TG: variants seen among roughly 807,000 people sequenced by gnomAD.
TG encodes the protein thyroid hormones.
Under a neutral mutation model 324.7 loss-of-function variants are expected in TG, and 270 were observed. The observed-to-expected ratio is 0.83, with a 90% CI of 0.75 to 0.92. The LOEUF (loss-of-function observed/expected upper bound fraction) is 0.92. TG is among the 40% of genes least tolerant of loss of function. The pLI, the probability that TG is intolerant of heterozygous loss-of-function variation, is 0.00. For missense variants in TG, 3,591 were observed against 3,456.4 expected (o/e 1.04, Z -0.98); for synonymous variants, 1,401 against 1,327.0 (o/e 1.06, Z -1.21).
At chr8:133,097,689 A>G (rs1848632394) in intron 43 of TG, among the ~76,000 whole-genome samples, 3 of 152,258 alleles carry the variant, frequency 2.0e-5, no homozygotes, top group African/African-American at 7.2e-5. Flanking sequence ...AAAGATTCAC[A>G]ACATGCAATT....
chr8:132,896,529 C>T (rs1563923940), intron 11 of TG, among the ~76,000 whole-genome samples: 1 of 152,140 alleles, frequency 6.6e-6, no homozygotes, highest in Non-Finnish European at 1.5e-5. Flanking sequence ...TGAGGAGCCC[C>T]AACCTGCCCC....
At chr8:133,106,884 A>G (rs1239695447) in intron 43 of TG, among the ~76,000 whole-genome samples, 3 of 152,078 alleles carry the variant, frequency 2.0e-5, no homozygotes, top group African/African-American at 7.2e-5. Context: ...CTCCTGGCAT[A>G]CTCAGGCACT....
At chr8:132,969,030 A>G (rs990905522) in intron 31 of TG, among the ~76,000 whole-genome samples, 4 of 151,914 alleles carry the variant, frequency 2.6e-5, no homozygotes, top group Non-Finnish European at 5.9e-5. Context: ...AGGAGAGGAG[A>G]GCATCTAGAG....
In TG at chr8:132,871,316, G is replaced by C. The variant is rs1359663154; in HGVS notation, c.275-32G>C. 4 of 1,611,872 alleles carry C rather than the reference G, an allele frequency of 2.5e-6. No homozygotes were observed. In the South Asian group the frequency reaches 3.3e-5, roughly 13 times the overall value. ...TCTGCCCCCTGGAAATTTCCCTGCA[G>C]TTCTATCTAACATTGCTCCTTGTAC... On this transcript the variant is annotated intron_variant, in intron 3 of 47. Coordinates refer to ENST00000220616, the MANE Select transcript of TG (RefSeq NM_003235.5).
chr8:132,904,542 G>T (rs1818395186), intron 16 of TG, among the ~76,000 whole-genome samples: 1 of 152,196 alleles, frequency 6.6e-6, no homozygotes, highest in Admixed American at 6.5e-5. Flanking sequence ...GGGCCAGCAG[G>T]GTTGTTCCAT....
chr8:132,976,197 A>G (rs1322631404), intron 34 of TG, among the ~76,000 whole-genome samples: 1 of 152,216 alleles, frequency 6.6e-6, no homozygotes, highest in African/African-American at 2.4e-5. Flanking sequence ...AGAATACCAC[A>G]GACTAGGTAA....
chr8:133,087,296 G>T (rs1357981959), intron 41 of TG, among the ~76,000 whole-genome samples: 1 of 152,194 alleles, frequency 6.6e-6, no homozygotes, highest in Non-Finnish European at 1.5e-5. Flanking sequence ...AATAAGCTAA[G>T]GTCGCACTGA....
intron 41 of TG, among the ~76,000 whole-genome samples, chr8:133,088,540 G>T (rs1005070410): frequency 2.0e-5 from 3 of 152,158 alleles, no homozygotes; most frequent in Non-Finnish European, 4.4e-5. Flanking sequence ...ACACTTAGAG[G>T]GTTGTTTTGG....
intron 18 of TG, among the ~76,000 whole-genome samples, chr8:132,909,244 CATG>C (rs914413961): frequency 3.3e-5 from 5 of 152,100 alleles, no homozygotes; most frequent in Admixed American, 3.3e-4. Context: ...CAGTGCAGAA[CATG>C]AGAAGCAGCA....
chr8:133,084,724 G>T (rs1008171458), intron 41 of TG, among the ~76,000 whole-genome samples: 4 of 152,232 alleles, frequency 2.6e-5, no homozygotes, highest in Admixed American at 1.3e-4. Flanking sequence ...CCCAGCAGAA[G>T]TGCCCGGGAG....
chr8:133,101,549 T>C (rs554747147), intron 43 of TG, among the ~76,000 whole-genome samples: 29 of 151,852 alleles, frequency 1.9e-4, no homozygotes, highest in South Asian at 1.3e-3. Flanking sequence ...CTGCCCCATC[T>C]GGGGCTGAGA....
intron 41 of TG, chr8:133,039,953 GCACACACA>G (rs3835182): frequency 1.4e-6 from 2 of 1,433,546 alleles, no homozygotes; most frequent in South Asian, 1.3e-5. Context: ...GCACTTGCAT[GCACACACA>G]CACACACACA....
At position 132,887,293 on chromosome 8, in the gene TG, T is replaced by C. The variant is rs1413570461; in HGVS notation, c.1921T>C (p.Ser641Pro). ...TTCCGGAGAGTGCTGGTGTGTGAAT[T>C]CCTGGGGCAAAGAGCTTCCAGGCTC... is the stretch of plus-strand genomic sequence containing the variant. ...CFSGECWCVN[S>P]WGKELPGSRV... The change falls in exon 9 of 48, where the codon TCC becomes CCC. Residue 641 changes from serine (S) to proline (P), a missense_variant. Coordinates refer to ENST00000220616, the MANE Select transcript of TG (RefSeq NM_003235.5). 1 of 1,604,402 alleles carries C rather than the reference T, an allele frequency of 6.2e-7. No individual in the cohort carries two copies. Among genetic ancestry groups the C allele is most frequent in the Non-Finnish European group, 8.5e-7 (1 of 1,173,652 alleles).
intron 43 of TG, among the ~76,000 whole-genome samples, chr8:133,097,326 T>A (rs890577217): frequency 1.3e-5 from 2 of 152,264 alleles, no homozygotes; most frequent in Non-Finnish European, 2.9e-5. Context: ...CAGTTTTACA[T>A]GATATATATA....
intron 41 of TG, chr8:133,049,853 C>G: frequency 8.5e-7 from 1 of 1,180,604 alleles, no homozygotes; most frequent in Non-Finnish European, 1.3e-6. Context: ...TTATGAGTCA[C>G]CAGCATACGC....
At chr8:132,947,492 G>A (rs982967544) in intron 26 of TG, among the ~76,000 whole-genome samples, 3 of 152,178 alleles carry the variant, frequency 2.0e-5, no homozygotes, top group African/African-American at 4.8e-5. Flanking sequence ...AGGACACAAT[G>A]TGAAATTTTT....
intron 21 of TG, among the ~76,000 whole-genome samples, 189 bp from the exon 22 acceptor site, chr8:132,923,148 AG>A (rs1182234531): frequency 1.3e-5 from 2 of 152,234 alleles, no homozygotes; most frequent in African/African-American, 4.8e-5. Context: ...TGCAGAACTT[AG>A]GGTGGGTGGC....
chr8:133,033,486 A>G (rs564121937), intron 41 of TG, among the ~76,000 whole-genome samples: 1 of 152,302 alleles, frequency 6.6e-6, no homozygotes, highest in Admixed American at 6.5e-5. Flanking sequence ...TTGCTGTTCT[A>G]TGACAGCGCC....
At position 133,046,824 on chromosome 8, in the gene TG, G is replaced by A. The variant is rs779117616; in HGVS notation, c.7239+16801G>A. ...CAGATTTTTTTTAAATCATATATAT[G>A]TGGTCCCTGCTTTCTGAAAGCAAGG... On this transcript the variant is annotated intron_variant, in intron 41 of 47. Coordinates refer to ENST00000220616, the MANE Select transcript of TG (RefSeq NM_003235.5). 3.3e-5 allele frequency among the ~76,000 whole-genome samples: 5 copies of A among 152,236 alleles called. 1 individual carries two copies. In the Middle Eastern group the frequency reaches 0.01, roughly 311 times the overall value.
Sources: gnomAD v4.1 joint callset for allele counts (sites outside exome capture counted in the v4.1 genomes callset) on GRCh38, gnomAD v4.1.1 for gene constraint, MANE v1.5 for transcripts, NCBI Gene and HGNC (gene_info 2026-07-23, HGNC 2026-07-21) for gene names.